The following DOCK8 variants were observed in gnomAD, a reference collection of about 807,000 sequenced individuals.
DOCK8 encodes dedicator of cytokinesis protein 8.
DOCK8 carries 141 observed loss-of-function variants against 245.6 expected under a neutral mutation model. The ratio of observed to expected loss-of-function variants is 0.57; its 90% confidence interval spans 0.50 to 0.66. The LOEUF (loss-of-function observed/expected upper bound fraction) is 0.66. Ranked by LOEUF, DOCK8 falls within the 30% of genes least tolerant of loss-of-function variation. The pLI, the probability that DOCK8 is intolerant of heterozygous loss-of-function variation, is 0.00. For synonymous variants in DOCK8, 1,168 were observed against 970.2 expected (o/e 1.20, Z -3.79); for missense variants, 2,965 against 2,603.4 (o/e 1.14, Z -3.02).
chr9:392,164 C>T (rs1176438474), intron 24 of DOCK8, among the ~76,000 whole-genome samples: 1 of 150,050 alleles, frequency 6.7e-6, no homozygotes, highest in Non-Finnish European at 1.5e-5. Flanking sequence ...GAGAGAGGGA[C>T]TAAAGAGATG....
chr9:426,676 GA>G (rs2056513877), intron 33 of DOCK8, among the ~76,000 whole-genome samples: 1 of 152,182 alleles, frequency 6.6e-6, no homozygotes, highest in Non-Finnish European at 1.5e-5. Flanking sequence ...GGATGAGGAT[GA>G]CCAGGAAACC....
rs867340729 is a variant in DOCK8 at position 403,974 on chromosome 9, A to G, written c.3235-944A>G. Among the ~76,000 whole-genome samples, 49 of 68,742 alleles carry G rather than the reference A, an allele frequency of 7.1e-4. 3 individuals carry two copies. The highest frequency in any genetic ancestry group is 2.8e-3 in the Admixed American group (16 of 5,668). The allele number at this position is 68,742 out of a possible 152,430, so 45.1% of individuals were successfully genotyped here. A position where few individuals can be genotyped will look rare whatever the true frequency, so the allele number is the denominator to read the frequency against. On this transcript the variant is annotated intron_variant, in intron 26 of 47. Coordinates refer to ENST00000432829, the MANE Select transcript of DOCK8 (RefSeq NM_203447.4). The stretch of plus-strand genomic sequence containing the variant: ...TATATATATATGTATATATATATAT[A>G]TGTGTATATATATATATGTGTATAT...
At chr9:259,756 G>A (rs1327102919) in intron 1 of DOCK8, among the ~76,000 whole-genome samples, 2 of 152,190 alleles carry the variant, frequency 1.3e-5, no homozygotes, top group South Asian at 2.1e-4. Context: ...CCTATTTTTA[G>A]TCTATGCATT....
intron 46 of DOCK8, chr9:456,094 A>C (rs1375471384): frequency 6.6e-6 from 1 of 152,270 alleles, no homozygotes; most frequent in Non-Finnish European, 1.5e-5. Context: ...TACAGAGATC[A>C]GAAGTCGTGG....
rs529196227 is a variant in DOCK8, at chr9:286,613, G to C, written c.309G>C (p.Leu103Phe). The change falls in exon 3 of 48, where the codon TTG becomes TTC. Residue 103 changes from leucine to phenylalanine, a missense_variant. By Grantham distance (22) the Leu-to-Phe change is conservative. Coordinates refer to ENST00000432829, the MANE Select transcript of DOCK8 (RefSeq NM_203447.4). ...VVFTPKECRT[L>F]QPSLPEEGVE... ...TCACGCCAAAGGAATGTAGGACTTT[G>C]CAGCCCTCTTTGCCGGAGGAAGGGT... The C allele has an allele frequency of 6.2e-7, 1 of 1,613,948 alleles. No individual in the cohort carries two copies. The highest frequency in any genetic ancestry group is 8.5e-7 in the Non-Finnish European group (1 of 1,179,890).
chr9:454,173 A>G (rs1228934353), intron 46 of DOCK8: 3 of 152,200 alleles, frequency 2.0e-5, no homozygotes, highest in Non-Finnish European at 4.4e-5. Flanking sequence ...CGTGGAAGAA[A>G]GGCGCTAGTG....
At position 377,163 on chromosome 9, in the gene DOCK8, A is replaced by G. The variant is rs571578260; in HGVS notation, c.2392A>G (p.Lys798Glu). The G allele has an allele frequency of 2.5e-6, 4 of 1,604,806 alleles. No individual in the cohort carries two copies. The highest frequency in any genetic ancestry group is 4.5e-5 in the East Asian group (2 of 44,844). The change falls in exon 20 of 48, where the codon AAG (lysine) becomes GAG (glutamate). Residue 798 changes from lysine to glutamate, a missense_variant. Lys to Glu is a moderately conservative substitution (Grantham distance 56). Transcript: ENST00000432829. ...LVLFLHLVLD[K>E]LFQLSVQPMV... ...GCTCTTCCTGCACCTGGTGCTGGAC[A>G]AGCTCTTCCAGCTGTCCGTGCAGCC...
rs564765490 is a variant in DOCK8, at chr9:352,012, C to T, written c.1679+11691C>T. Among the ~76,000 whole-genome samples the T allele has an allele frequency of 9.2e-5, 14 of 152,256 alleles. No individual in the cohort carries two copies. In the South Asian group the frequency reaches 1.2e-3, roughly 14 times the overall value. ...GTGATTCATATGCATGTTTGGTGGG[C>T]GTCGAGCATGTGGCAGTTTGGAGAA... On this transcript the variant is annotated intron_variant, in intron 14 of 47. Transcript: ENST00000432829.
At chr9:233,880 G>C (rs1000866542) in intron 1 of DOCK8, among the ~76,000 whole-genome samples, 1 of 152,106 alleles carries the variant, frequency 6.6e-6, no homozygotes, top group Non-Finnish European at 1.5e-5. Flanking sequence ...TTTAATTGGA[G>C]CATTTAGCCC....
At chr9:212,384 C>T (rs1394059712), upstream of DOCK8, among the ~76,000 whole-genome samples, 1 of 152,042 alleles carries the variant, frequency 6.6e-6, no homozygotes, top group Non-Finnish European at 1.5e-5. Context: ...TTGAATGACA[C>T]AAAGATACGG....
chr9:399,988 CCCACCACCTCCACCACCTCCACCATCA>C (rs1433641839), intron 26 of DOCK8, among the ~76,000 whole-genome samples: 10 of 79,422 alleles, frequency 1.3e-4, no homozygotes, highest in African/African-American at 1.9e-4. Flanking sequence ...ATCACCACCT[CCCACCACCTCCACCACCTCCACCATCA>C]CCACCACCTC....
intron 25 of DOCK8, among the ~76,000 whole-genome samples, chr9:397,159 C>T (rs1261834810): frequency 6.6e-6 from 1 of 152,002 alleles, no homozygotes; most frequent in Non-Finnish European, 1.5e-5. Context: ...GCCTGGCCAA[C>T]ATGGTGACAT....
At chr9:302,130 C>T (rs574611340) in intron 4 of DOCK8, among the ~76,000 whole-genome samples, 3 of 152,290 alleles carry the variant, frequency 2.0e-5, no homozygotes, top group African/African-American at 7.2e-5. Context: ...CAATACAGCA[C>T]AGTCCAGGTA....
At chr9:403,954 A>T (rs1433876543) in intron 26 of DOCK8, among the ~76,000 whole-genome samples, 1 of 77,560 alleles carries the variant, frequency 1.3e-5, no homozygotes, top group Non-Finnish European at 2.2e-5. Context: ...GTGTATATAT[A>T]TATATGTATA....
At chr9:338,460 A>G (rs974896863) in intron 12 of DOCK8, among the ~76,000 whole-genome samples, 6 of 152,166 alleles carry the variant, frequency 3.9e-5, no homozygotes, top group Admixed American at 3.9e-4. Context: ...GGATGGTCTC[A>G]CTGGGAATAA....
upstream of DOCK8, chr9:213,420 C>T (rs997777815): frequency 2.6e-5 from 4 of 152,114 alleles, no homozygotes; most frequent in African/African-American, 4.8e-5. Context: ...ATGTGAGCCA[C>T]ATGTGTAATT....
At position 426,923 on chromosome 9, in the gene DOCK8, G is replaced by T. The variant is rs1267167926; in HGVS notation, c.4280G>T (p.Gly1427Val). The T allele has an allele frequency of 1.2e-6, 2 of 1,613,972 alleles. No homozygotes were observed. Among genetic ancestry groups the T allele is most frequent in the African/African-American group, 2.7e-5 (2 of 74,902 alleles). ...AELDQEALISGNLATEAHLII... is the reference protein window; with the variant it reads ...AELDQEALISVNLATEAHLII... Reference sequence around the variant, plus strand: ...TTAGATCAAGAAGCCTTGATCAGTGGCAATCTGGCTACAGAAGCACATTTA... The same window carrying T: ...TTAGATCAAGAAGCCTTGATCAGTGTCAATCTGGCTACAGAAGCACATTTA... Residue 1427 changes from glycine (G) to valine (V), a missense_variant, in exon 34 of 48, where the codon GGC (glycine) becomes GTC (valine). Gly to Val is a moderately radical substitution (Grantham distance 109). This residue lies in a region of DOCK8 where 2,825 missense variants were observed against 2,453.5 expected (regional missense o/e 1.15). Transcript: ENST00000432829.
chr9:373,179 TAAAA>T (rs1210562060), intron 18 of DOCK8, among the ~76,000 whole-genome samples: 2 of 151,538 alleles, frequency 1.3e-5, no homozygotes, highest in Non-Finnish European at 2.9e-5. Flanking sequence ...AATAAATAAA[TAAAA>T]AATAAATAAA....
chr9:267,058 A>G (rs1020488526), intron 1 of DOCK8, among the ~76,000 whole-genome samples: 9 of 152,184 alleles, frequency 5.9e-5, no homozygotes, highest in African/African-American at 2.2e-4. Context: ...GAGATGAAGA[A>G]GGTTGATTTG....
Sources: allele counts gnomAD v4.1 joint callset (sites outside exome capture counted in the v4.1 genomes callset), GRCh38; gene constraint gnomAD v4.1.1; regional missense constraint gnomAD v4.1.1; transcripts MANE v1.5; gene names NCBI Gene and HGNC (gene_info 2026-07-23, HGNC 2026-07-21).